WDR72: variants seen among roughly 807,000 people sequenced by gnomAD.
WDR72 encodes WD repeat-containing protein 72.
WDR72 carries 120 observed loss-of-function variants against 124.2 expected under a neutral mutation model. That is an observed-to-expected ratio of 0.97 (90% CI 0.83 to 1.12). The LOEUF (loss-of-function observed/expected upper bound fraction) is 1.12. Ranked by LOEUF, WDR72 falls within the 50% of genes most tolerant of loss-of-function variation. The probability of loss-of-function intolerance (pLI) is 0.00; values close to 1 mark genes in which losing one functional copy is unlikely to be tolerated. For synonymous variants in WDR72, 452 were observed against 441.7 expected (o/e 1.02, Z -0.29); for missense variants, 1,387 against 1,278.8 (o/e 1.08, Z -1.29).
intron 9 of WDR72, among the ~76,000 whole-genome samples, chr15:53,706,350 G>GTGTATATA (rs1431924015): frequency 3.9e-5 from 1 of 25,758 alleles, no homozygotes; most frequent in African/African-American, 1.4e-4. Context: ...GTGTGTGTGT[G>GTGTATATA]TATATATATA....
At chr15:53,533,160 GC>G (rs1300652858) in intron 18 of WDR72, among the ~76,000 whole-genome samples, 1 of 152,080 alleles carries the variant, frequency 6.6e-6, no homozygotes, top group Non-Finnish European at 1.5e-5. Context: ...AGTTACTGTT[GC>G]CCATGCAGAA....
At chr15:53,732,069 C>T (rs927973197) in intron 2 of WDR72, among the ~76,000 whole-genome samples, 3 of 152,122 alleles carry the variant, frequency 2.0e-5, no homozygotes, top group African/African-American at 4.8e-5. Context: ...AAGGGAGCCA[C>T]TATTTTTAAA....
In WDR72 at chr15:53,615,373, T is replaced by C. The variant is rs1013499017; in HGVS notation, c.2780+53A>G. Reference sequence around the variant, plus strand: ...GAGCTAAATATAGCAAATAATGATATATATTTTTAATGTCATAATCTAGTA... The same window carrying C: ...GAGCTAAATATAGCAAATAATGATACATATTTTTAATGTCATAATCTAGTA... On this transcript the variant is annotated intron_variant, in intron 15 of 19. Coordinates refer to ENST00000360509, the MANE Select transcript of WDR72 (RefSeq NM_182758.4). 7.3e-6 allele frequency: 10 copies of C among 1,373,084 alleles called. No individual in the cohort carries two copies. In the South Asian group the frequency reaches 8.8e-5, roughly 12 times the overall value. 85.1% of individuals were successfully genotyped at this position (1,373,084 alleles called of 1,614,324 possible).
At chr15:53,529,820 A>G (rs1377772148) in intron 18 of WDR72, among the ~76,000 whole-genome samples, 1 of 151,996 alleles carries the variant, frequency 6.6e-6, no homozygotes, top group Non-Finnish European at 1.5e-5. Context: ...AAATCAAATT[A>G]TCTAAACTCT....
intron 13 of WDR72, among the ~76,000 whole-genome samples, chr15:53,676,377 A>G (rs1472210955): frequency 6.6e-6 from 1 of 152,258 alleles, no homozygotes; most frequent in Non-Finnish European, 1.5e-5. Flanking sequence ...AGATTATTCA[A>G]ATAGACCAGG....
At chr15:53,542,919 G>A (rs1311481180) in intron 18 of WDR72, among the ~76,000 whole-genome samples, 2 of 149,920 alleles carry the variant, frequency 1.3e-5, no homozygotes, top group Non-Finnish European at 3.0e-5. Context: ...AATGGTAAAG[G>A]GATCAATTCA....
Position 53,608,329 on chromosome 15 carries a change from T to G in WDR72, c.2952+1184A>C, listed in dbSNP as rs574314232. 5.9e-5 allele frequency among the ~76,000 whole-genome samples: 9 copies of G among 152,256 alleles called. No individual in the cohort carries two copies. In the East Asian group the frequency reaches 1.5e-3, roughly 26 times the overall value. On this transcript the variant is annotated intron_variant, in intron 17 of 19. Coordinates refer to ENST00000360509, the MANE Select transcript of WDR72 (RefSeq NM_182758.4). ...ATGGTACACATACACAATACAGCACTATTCAGTTATAAAAAAAATGAGATC... is the reference window on the plus strand; with the variant it reads ...ATGGTACACATACACAATACAGCACGATTCAGTTATAAAAAAAATGAGATC...
At chr15:53,634,321 G>A (rs1030493408) in intron 14 of WDR72, among the ~76,000 whole-genome samples, 5 of 152,118 alleles carry the variant, frequency 3.3e-5, no homozygotes, top group Admixed American at 2.6e-4. Context: ...AGGTTATGGT[G>A]AAACCAGTGA....
At chr15:53,650,425 G>T (rs889508432) in intron 14 of WDR72, among the ~76,000 whole-genome samples, 2 of 152,146 alleles carry the variant, frequency 1.3e-5, no homozygotes, top group Non-Finnish European at 2.9e-5. Flanking sequence ...CATGTTAAGT[G>T]TTCTTACCAA....
At chr15:53,691,152 T>C (rs1430342998) in intron 13 of WDR72, among the ~76,000 whole-genome samples, 1 of 152,100 alleles carries the variant, frequency 6.6e-6, no homozygotes, top group East Asian at 1.9e-4. Flanking sequence ...CCAGCTCAAG[T>C]GATCCTCCCA....
At chr15:53,547,853 G>A (rs578234689) in intron 18 of WDR72, among the ~76,000 whole-genome samples, 1 of 152,188 alleles carries the variant, frequency 6.6e-6, no homozygotes, top group South Asian at 2.1e-4. Flanking sequence ...TGAAGGAAGA[G>A]GACAAATTAA....
chr15:53,568,493 C>T (rs1894382759), intron 18 of WDR72, among the ~76,000 whole-genome samples: 1 of 151,956 alleles, frequency 6.6e-6, no homozygotes, highest in Non-Finnish European at 1.5e-5. Flanking sequence ...TAAACATTTT[C>T]CTTAACTATT....
At chr15:53,640,241 GC>G (rs2014796599) in intron 14 of WDR72, among the ~76,000 whole-genome samples, 1 of 152,086 alleles carries the variant, frequency 6.6e-6, no homozygotes, top group Admixed American at 6.5e-5. Flanking sequence ...TACAACACTA[GC>G]CCATTTAAGC....
At chr15:53,563,874 G>A (rs1193490973) in intron 18 of WDR72, among the ~76,000 whole-genome samples, 1 of 151,728 alleles carries the variant, frequency 6.6e-6, no homozygotes, top group African/African-American at 2.4e-5. Flanking sequence ...AACATACAGT[G>A]CATCAGCAAT....
chr15:53,624,309 G>T (rs2014122731), intron 14 of WDR72, among the ~76,000 whole-genome samples: 1 of 152,128 alleles, frequency 6.6e-6, no homozygotes, highest in Non-Finnish European at 1.5e-5. Context: ...GTCTTCAAGG[G>T]GTATTTAAGA....
chr15:53,539,274 G>A (rs1287479299), intron 18 of WDR72, among the ~76,000 whole-genome samples: 3 of 152,072 alleles, frequency 2.0e-5, no homozygotes, highest in Non-Finnish European at 4.4e-5. Flanking sequence ...TAATTGAAAA[G>A]CCATCAGCAT....
chr15:53,609,959 C>T (rs2013468833), intron 16 of WDR72, among the ~76,000 whole-genome samples: 1 of 152,014 alleles, frequency 6.6e-6, no homozygotes, highest in Non-Finnish European at 1.5e-5. Context: ...GTTCTTTTTG[C>T]TGACCCAAGA....
At chr15:53,712,407 C>T (rs751093236) in intron 7 of WDR72, among the ~76,000 whole-genome samples, 5 of 152,076 alleles carry the variant, frequency 3.3e-5, no homozygotes, top group South Asian at 4.1e-4. Flanking sequence ...ATCGGCCTGA[C>T]CAACATGGTG....
chr15:53,628,865 C>T (rs1337315736), intron 14 of WDR72, among the ~76,000 whole-genome samples: 1 of 151,446 alleles, frequency 6.6e-6, no homozygotes, highest in Non-Finnish European at 1.5e-5. Context: ...ACAAAATAAA[C>T]AGCTTGGAAG....
Sources: gnomAD v4.1 joint callset for allele counts (sites outside exome capture counted in the v4.1 genomes callset) on GRCh38, gnomAD v4.1.1 for gene constraint, MANE v1.5 for transcripts, NCBI Gene and HGNC (gene_info 2026-07-23, HGNC 2026-07-21) for gene names.